The following NTRK1 variants were observed in gnomAD, a reference collection of about 807,000 sequenced individuals.
NTRK1 encodes the protein high affinity nerve growth factor receptor.
A neutral mutation model predicts 86.8 loss-of-function variants in NTRK1; 62 were observed. The ratio of observed to expected loss-of-function variants is 0.71; its 90% CI spans 0.58 to 0.88. NTRK1 has a LOEUF of 0.88. NTRK1 is among the 40% of genes least tolerant of loss of function. NTRK1 has a pLI of 0.00. For missense variants in NTRK1, 967 were observed against 1,078.4 expected (o/e 0.90, Z 1.45); for synonymous variants, 469 against 456.6 (o/e 1.03, Z -0.35).
At chr1:156,856,105 G>T (rs1314201897), upstream of NTRK1, among the ~76,000 whole-genome samples, 1 of 151,732 alleles carries the variant, frequency 6.6e-6, no homozygotes, top group African/African-American at 2.4e-5. Context: ...TATCATGCGT[G>T]GCCATATATT....
Position 156,874,559 on chromosome 1 carries a change from G to T in NTRK1, c.1196-12G>T, listed in dbSNP as rs1361811525. On this transcript the variant is annotated splice_polypyrimidine_tract_variant and intron_variant, in intron 9 of 16. Transcript: ENST00000524377. Reference sequence around the variant, plus strand: ...TGTCAAGGCTCACCCCTCCTGCCCTGTGTCCCTACAGACACTAACAGCACA... The same window carrying T: ...TGTCAAGGCTCACCCCTCCTGCCCTTTGTCCCTACAGACACTAACAGCACA... The T allele has an allele frequency of 6.2e-7, 1 of 1,614,088 alleles. No individual in the cohort carries two copies. The highest frequency in any genetic ancestry group is 8.5e-7 in the Non-Finnish European group (1 of 1,179,960).
In NTRK1 at chr1:156,816,861, C is replaced by T. The variant is rs904776445; in HGVS notation, c.-64+1023C>T. The T allele has an allele frequency of 3.6e-5, 22 of 618,642 alleles. No homozygotes were observed. In the Admixed American group the frequency reaches 3.7e-4, roughly 10 times the overall value. 38.3% of individuals were successfully genotyped at this position (618,642 alleles called of 1,614,324 possible). ...CAGCCTTAGTTCTGGCGAGGACTCA[C>T]GTCATGGAAAGCCTTAAGACGATTG... On this transcript the variant is annotated intron_variant, in intron 1 of 16. Coordinates refer to the NTRK1 transcript ENST00000392302.
intron 7 of NTRK1, among the ~76,000 whole-genome samples, 178 bp downstream of exon 7, chr1:156,871,933 T>C (rs999563298): frequency 6.6e-6 from 1 of 152,160 alleles, no homozygotes; most frequent in Non-Finnish European, 1.5e-5. Context: ...CCTGGGGTCT[T>C]GTCAAGGCCA....
intron 14 of NTRK1, 50 bp downstream of exon 14, chr1:156,876,622 C>A: frequency 6.4e-7 from 1 of 1,568,432 alleles, no homozygotes; most frequent in East Asian, 2.3e-5. Flanking sequence ...CTCTGGGCCC[C>A]GTCTTCCCTT....
At chr1:156,876,703 C>G in intron 14 of NTRK1, 131 bp downstream of exon 14, 5 of 1,147,456 alleles carry the variant, frequency 4.4e-6, no homozygotes, top group Non-Finnish European at 6.3e-6. Context: ...GGCACATTCC[C>G]GTCCCCAGGG....
chr1:156,831,677 C>G (rs1654469762), intron 1 of NTRK1, among the ~76,000 whole-genome samples: 1 of 152,120 alleles, frequency 6.6e-6, no homozygotes, highest in Non-Finnish European at 1.5e-5. Context: ...CAAGAGATAC[C>G]CTAGAGAACC....
intron 1 of NTRK1, among the ~76,000 whole-genome samples, chr1:156,829,046 A>G (rs923271290): frequency 6.6e-6 from 1 of 152,234 alleles, no homozygotes; most frequent in Admixed American, 6.5e-5. Flanking sequence ...GCAGCAAACA[A>G]GATGTGCGCA....
chr1:156,879,098 C>T (rs1193352151), intron 14 of NTRK1, 24 bp from the exon 15 acceptor site: 1 of 1,612,048 alleles, frequency 6.2e-7, no homozygotes, highest in Non-Finnish European at 8.5e-7. Context: ...CCCAGCCTAT[C>T]CCCTCTCCTT....
intron 2 of NTRK1, chr1:156,851,476 T>C (rs1386557646): frequency 6.2e-7 from 1 of 1,612,602 alleles, no homozygotes; most frequent in Non-Finnish European, 8.5e-7. Flanking sequence ...GCAAGGAAGG[T>C]GATGGGTCTG....
chr1:156,842,165 T>A, exon 2 of NTRK1: 1 of 1,614,068 alleles, frequency 6.2e-7, no homozygotes, highest in Non-Finnish European at 8.5e-7. Context: ...GGCTGCTAGA[T>A]CTCGGTGCAC....
rs1424819426 is a variant in NTRK1 at position 156,835,737 on chromosome 1, C to T, written c.-63-6344C>T. 3.3e-5 allele frequency among the ~76,000 whole-genome samples: 5 copies of T among 152,314 alleles called. No homozygotes were observed. In the South Asian group the frequency reaches 6.2e-4, roughly 19 times the overall value. ...AAATGATATCACAACCAGATAACAACGACAATAATTTGTATAGTGCTTTAT... is the reference window on the plus strand; with the variant it reads ...AAATGATATCACAACCAGATAACAATGACAATAATTTGTATAGTGCTTTAT... On this transcript the variant is annotated intron_variant, in intron 1 of 16. Coordinates refer to the NTRK1 transcript ENST00000392302.
At chr1:156,824,881 C>T (rs146413190) in intron 1 of NTRK1, among the ~76,000 whole-genome samples, 18 of 152,182 alleles carry the variant, frequency 1.2e-4, no homozygotes, top group African/African-American at 3.9e-4. Context: ...GCCTGAACGG[C>T]GGTAGGGACC....
chr1:156,815,904 C>T, intron 1 of NTRK1: 1 of 1,612,824 alleles, frequency 6.2e-7, no homozygotes, highest in South Asian at 1.1e-5. Flanking sequence ...TCATTCCTGC[C>T]TTCTCTTGGA....
chr1:156,851,615 G>A (rs756630128), intron 2 of NTRK1: 1 of 1,614,004 alleles, frequency 6.2e-7, no homozygotes, highest in Non-Finnish European at 8.5e-7. Flanking sequence ...ATGACCAGGA[G>A]GAGGGGTGTG....
At chr1:156,833,329 G>T (rs977959984) in intron 1 of NTRK1, among the ~76,000 whole-genome samples, 6 of 152,188 alleles carry the variant, frequency 3.9e-5, no homozygotes, top group Non-Finnish European at 8.8e-5. Flanking sequence ...GGCCGAGGCG[G>T]GCAGATCACC....
chr1:156,853,727 A>G (rs372561093), intron 2 of NTRK1: 4 of 1,574,056 alleles, frequency 2.5e-6, no homozygotes, highest in Non-Finnish European at 3.5e-6. Flanking sequence ...CCTTCCCTAC[A>G]TTCATGTTCT....
At chr1:156,875,139 A>G in intron 11 of NTRK1, 131 bp downstream of exon 11, 1 of 742,972 alleles carries the variant, frequency 1.3e-6, no homozygotes, top group Non-Finnish European at 2.4e-6. Flanking sequence ...TGTTTGGGGT[A>G]TAAATGAAGG....
In NTRK1 at chr1:156,864,384, T is replaced by C. The variant is rs2102885239; in HGVS notation, c.243T>C (p.His81=). The C allele has an allele frequency of 1.2e-6, 2 of 1,614,094 alleles. No individual in the cohort carries two copies. The highest frequency in any genetic ancestry group is 1.7e-6 in the Non-Finnish European group (2 of 1,180,008). Residue 81 remains histidine (H), a synonymous_variant, in exon 2 of 17, where the codon CAT becomes CAC. Transcript: ENST00000524377. ...TCGAGAACCAGCAGCATCTGCAGCA[T>C]CTGGAGCTCCGTGATCTGAGGGGCC... The part of the protein sequence containing the change: ...LYIENQQHLQ[H]LELRDLRGLG...
Position 156,874,552 on chromosome 1 carries a change from C to T in NTRK1, c.1196-19C>T, listed in dbSNP as rs1208102057. On this transcript the variant is annotated intron_variant, in intron 9 of 16. Transcript: ENST00000524377. ...CAGTGTGTGTCAAGGCTCACCCCTC[C>T]TGCCCTGTGTCCCTACAGACACTAA... The T allele has an allele frequency of 4.3e-6, 7 of 1,613,866 alleles. No homozygotes were observed. The highest frequency in any genetic ancestry group is 5.1e-6 in the Non-Finnish European group (6 of 1,179,716).
Sources: gnomAD v4.1 joint callset for allele counts (sites outside exome capture counted in the v4.1 genomes callset) on GRCh38, gnomAD v4.1.1 for gene constraint, MANE v1.5 for transcripts, NCBI Gene and HGNC (gene_info 2026-07-23, HGNC 2026-07-21) for gene names.